The following CFH variants were observed in gnomAD, a reference collection of about 807,000 sequenced individuals.
CFH encodes the protein complement factor H.
CFH carries 53 observed loss-of-function variants against 147.3 expected under a neutral mutation model. That is an observed-to-expected ratio of 0.36 (90% CI 0.29 to 0.45). The LOEUF (loss-of-function observed/expected upper bound fraction) is 0.45, where lower values mean the gene tolerates loss of function less well. CFH is among the 20% of genes least tolerant of loss of function. The pLI is 1.00. For missense variants in CFH, 1,380 were observed against 1,498.0 expected (o/e 0.92, Z 1.30); for synonymous variants, 536 against 489.4 (o/e 1.10, Z -1.26).
chr1:196,737,646 C>T lies in CFH; in HGVS notation c.2768C>T (p.Pro923Leu). The T allele has an allele frequency of 6.2e-7, 1 of 1,613,234 alleles. No individual in the cohort carries two copies. The highest frequency in any genetic ancestry group is 8.5e-7 in the Non-Finnish European group (1 of 1,179,460). ...TTCYMGKWSS[P>L]PQCEGLPCKS... is the part of the protein sequence containing the mutation. ...TGCTACATGGGAAAATGGAGTTCTCCACCTCAGTGTGAAGGTTAGGCCAAT... is the reference window on the plus strand; with the variant it reads ...TGCTACATGGGAAAATGGAGTTCTCTACCTCAGTGTGAAGGTTAGGCCAAT... The change falls in exon 17 of 22, where the codon CCA becomes CTA. Residue 923 changes from proline (P) to leucine (L), a missense_variant. Physicochemically the swap from Pro to Leu is moderately conservative, Grantham distance 98. This residue lies in a region of CFH where 830 missense variants were observed against 821.4 expected (regional missense o/e 1.01). Transcript: ENST00000367429.
In CFH at chr1:196,654,239, C is replaced by T. The variant is rs557299194; in HGVS notation, c.58+2064C>T. 2.8e-4 allele frequency among the ~76,000 whole-genome samples: 43 copies of T among 152,170 alleles called. No individual in the cohort carries two copies. The South Asian group carries it at 4.6e-3, about 16-fold the overall frequency. Reference sequence around the variant, plus strand: ...GCATAACATTTTAGCATTACTTCTGCTCTGTTAAGAGTGAACTTTCTTCAA... The same window carrying T: ...GCATAACATTTTAGCATTACTTCTGTTCTGTTAAGAGTGAACTTTCTTCAA... On this transcript the variant is annotated intron_variant, in intron 1 of 21. Transcript: ENST00000367429.
chr1:196,692,496 A>AT (rs1170008106), intron 9 of CFH: 18 of 196,450 alleles, frequency 9.2e-5, no homozygotes, highest in South Asian at 3.7e-4. Flanking sequence ...TCAACTACTT[A>AT]TTTTTTCTCT....
At chr1:196,699,141 T>C (rs1340155227) in intron 9 of CFH, among the ~76,000 whole-genome samples, 1 of 152,160 alleles carries the variant, frequency 6.6e-6, no homozygotes, top group Non-Finnish European at 1.5e-5. Flanking sequence ...ACAAACTGTT[T>C]TCCTGAGCGA....
chr1:196,728,468 T>C lies in CFH; in HGVS notation c.2359T>C (p.Trp787Arg). 6.2e-7 allele frequency: 1 copy of C among 1,612,992 alleles called. No homozygotes were observed. The highest frequency in any genetic ancestry group is 2.2e-5 in the East Asian group (1 of 44,754). ...GTACAGATGTAGAGGAAAAGAAGGA[T>C]GGATACACACAGTCTGCATAAATGG... ...IRYRCRGKEG[W>R]IHTVCINGRW... is the part of the protein sequence containing the mutation. Residue 787 changes from tryptophan to arginine, a missense_variant, in exon 15 of 22, where the codon TGG becomes CGG. Around this residue, in one of 4 missense-constraint regions of CFH, gnomAD observed 830 missense variants for 821.4 expected, o/e 1.01. Coordinates refer to ENST00000367429, the MANE Select transcript of CFH (RefSeq NM_000186.4).
At chr1:196,662,985 T>TA (rs113439691) in intron 1 of CFH, among the ~76,000 whole-genome samples, 39,024 of 151,982 alleles carry the variant, frequency 0.26, 5,161 homozygotes, top group East Asian at 0.39. Context: ...TGGAAGTGAT[T>TA]AATACCTGGT....
chr1:196,656,335 A>G (rs1400622036), intron 1 of CFH, among the ~76,000 whole-genome samples: 1 of 151,762 alleles, frequency 6.6e-6, no homozygotes, highest in Non-Finnish European at 1.5e-5. Flanking sequence ...AAAGAAAGAA[A>G]GAAAGAAAAG....
intron 1 of CFH, among the ~76,000 whole-genome samples, chr1:196,658,868 A>T (rs149142962): frequency 1.7e-4 from 26 of 152,298 alleles, no homozygotes; most frequent in African/African-American, 6.3e-4. Context: ...CTGCATCCAG[A>T]CTAAAACTAA....
At chr1:196,654,198 T>A (rs1455556392) in intron 1 of CFH, among the ~76,000 whole-genome samples, 1 of 152,162 alleles carries the variant, frequency 6.6e-6, no homozygotes, top group African/African-American at 2.4e-5. Flanking sequence ...ACTATCACAA[T>A]CTGCTTTATT....
chr1:196,719,480 A>C (rs936826272), intron 11 of CFH, among the ~76,000 whole-genome samples: 13 of 151,924 alleles, frequency 8.6e-5, no homozygotes, highest in African/African-American at 2.9e-4. Flanking sequence ...ACACAAAAGC[A>C]AATTTTTGTA....
At chr1:196,735,466 T>C (rs1669378550) in intron 15 of CFH, among the ~76,000 whole-genome samples, 2 of 152,164 alleles carry the variant, frequency 1.3e-5, no homozygotes, top group African/African-American at 4.8e-5. Flanking sequence ...TGTCACAAAA[T>C]GTTAAATAAT....
Position 196,652,122 on chromosome 1 carries a change from G to C in CFH, c.5G>C (p.Arg2Thr), listed in dbSNP as rs142266551. The change falls in exon 1 of 22, where the codon AGA (arginine) becomes ACA (threonine). Residue 2 changes from arginine (R) to threonine (T), a missense_variant. Physicochemically the swap from Arg to Thr is moderately conservative, Grantham distance 71. This residue lies in a region of CFH where 260 missense variants were observed against 263.3 expected (regional missense o/e 0.99). Transcript: ENST00000367429. The part of the protein sequence containing the change: M[R>T]LLAKIICLML... ...TCCTCTTAAAAGATCCAAAAAATGA[G>C]ACTTCTAGCAAAGATTATTTGCCTT... The C allele has an allele frequency of 5.5e-5, 88 of 1,610,014 alleles. No homozygotes were observed. Among genetic ancestry groups the C allele is most frequent in the Non-Finnish European group, 7.1e-5 (84 of 1,176,462 alleles).
chr1:196,721,129 G>T (rs1220874759), intron 11 of CFH, among the ~76,000 whole-genome samples: 1 of 150,508 alleles, frequency 6.6e-6, no homozygotes, highest in Non-Finnish European at 1.5e-5. Flanking sequence ...CATATCCTTT[G>T]TCCACTTTTT....
intron 1 of CFH, among the ~76,000 whole-genome samples, chr1:196,666,553 G>A (rs1264769777): frequency 2.6e-5 from 4 of 151,914 alleles, no homozygotes; most frequent in African/African-American, 7.2e-5. Flanking sequence ...TTGGGAGGCC[G>A]AGGTGGGCGG....
At chr1:196,712,971 A>G (rs949348678) in intron 9 of CFH, among the ~76,000 whole-genome samples, 6 of 151,976 alleles carry the variant, frequency 3.9e-5, no homozygotes, top group Admixed American at 6.6e-5. Context: ...GCTGCATAGT[A>G]TTCCATGGTG....
At chr1:196,734,247 G>A (rs1047339469) in intron 15 of CFH, among the ~76,000 whole-genome samples, 2 of 152,114 alleles carry the variant, frequency 1.3e-5, no homozygotes, top group African/African-American at 4.8e-5. Context: ...TGCCTGTTAA[G>A]TAGGAGTCCC....
In CFH at chr1:196,737,586, G is replaced by A; in HGVS notation, c.2708G>A (p.Gly903Asp). Reference sequence around the variant, plus strand: ...ACTAAATTGAGTTATACTTGTGAGGGTGGTTTCAGGATATCTGAAGAAAAT... The same window carrying A: ...ACTAAATTGAGTTATACTTGTGAGGATGGTTTCAGGATATCTGAAGAAAAT... ...HGTKLSYTCE[G>D]GFRISEENET... is the part of the protein sequence containing the mutation. Residue 903 changes from glycine to aspartate, a missense_variant, in exon 17 of 22, where the codon GGT becomes GAT. Physicochemically the swap from Gly to Asp is moderately conservative, Grantham distance 94. Coordinates refer to ENST00000367429, the MANE Select transcript of CFH (RefSeq NM_000186.4). The A allele has an allele frequency of 1.2e-6, 2 of 1,613,370 alleles. No homozygotes were observed. The highest frequency in any genetic ancestry group is 2.2e-5 in the East Asian group (1 of 44,716).
Position 196,683,197 on chromosome 1 carries a change from G to A in CFH, c.791-1867G>A, listed in dbSNP as rs553542072. Among the ~76,000 whole-genome samples the A allele has an allele frequency of 1.3e-3, 200 of 151,670 alleles. 4 individuals are homozygous for A. The South Asian group carries it at 0.017, about 13-fold the overall frequency. On this transcript the variant is annotated intron_variant, in intron 6 of 21. Transcript: ENST00000367429. The stretch of plus-strand genomic sequence containing the variant: ...CTTAGACAAAGACAAGGAGAAGCAG[G>A]AGAACATAAATATATAAGGTAATGG...
chr1:196,661,073 G>C (rs188852949), intron 1 of CFH, among the ~76,000 whole-genome samples: 1 of 152,042 alleles, frequency 6.6e-6, no homozygotes, highest in Non-Finnish European at 1.5e-5. Flanking sequence ...CCTTTTGTGC[G>C]GAAGGGGCCG....
At chr1:196,656,700 T>TC (rs1345660717) in intron 1 of CFH, among the ~76,000 whole-genome samples, 3 of 151,942 alleles carry the variant, frequency 2.0e-5, no homozygotes, top group East Asian at 3.9e-4. Context: ...TTTTTTTTTT[T>TC]TCTCTATTTT....
Sources: allele counts gnomAD v4.1 joint callset (sites outside exome capture counted in the v4.1 genomes callset), GRCh38; gene constraint gnomAD v4.1.1; regional missense constraint gnomAD v4.1.1; transcripts MANE v1.5; gene names NCBI Gene and HGNC (gene_info 2026-07-23, HGNC 2026-07-21).